Variants in TVP23A observed in about 807,000 individuals in gnomAD.
TVP23A encodes the protein Golgi apparatus membrane protein TVP23 homolog A.
In TVP23A, 21 loss-of-function variants were observed where a neutral mutation model predicts 31.7. The ratio of observed to expected loss-of-function variants is 0.66; its 90% CI spans 0.47 to 0.95. The LOEUF is 0.95. Among genes scored for constraint, TVP23A ranks in the 40% least tolerant of loss-of-function variants. The pLI, the probability that TVP23A is intolerant of heterozygous loss-of-function variation, is 0.00. For missense variants in TVP23A, 279 were observed against 255.6 expected, an observed-to-expected ratio of 1.09 and a Z score of -0.62; for synonymous variants, 104 against 96.0, an observed-to-expected ratio of 1.08 and a Z score of -0.49.
At chr16:10,792,968 T>C (rs753604245) in intron 2 of TVP23A, among the ~76,000 whole-genome samples, 3 of 152,196 alleles carry the variant, frequency 2.0e-5, no homozygotes, top group Non-Finnish European at 2.9e-5. Flanking sequence ...TTTTTTCCTC[T>C]TGTTTCTGTT....
intron 2 of TVP23A, among the ~76,000 whole-genome samples, chr16:10,798,960 G>C (rs1180725624): frequency 6.6e-6 from 1 of 152,148 alleles, no homozygotes; most frequent in African/African-American, 2.4e-5. Context: ...CCAAGCCCAG[G>C]TGACTCTGTT....
rs1567283981 is a variant in TVP23A, at chr16:10,777,879, TG to T, written c.90-2784del. ...TACAAAAATTAGCTGAGCGTGGTGG[TG>T]GGCGCCTGTAGTCCCAGCTACTCGG... is the stretch of plus-strand genomic sequence containing the variant. On this transcript the variant is annotated intron_variant, in intron 2 of 7. Transcript: ENST00000299866. This position sits in a 1 kb window ranked among gnomAD's most constrained non-coding sequence, Gnocchi z 4.5. Among the ~76,000 whole-genome samples the T allele has an allele frequency of 6.6e-6, 1 of 151,676 alleles. No individual in the cohort carries two copies. Among genetic ancestry groups the T allele is most frequent in the African/African-American group, 2.4e-5 (1 of 41,236 alleles).
At chr16:10,786,304 T>A (rs940086754) in intron 2 of TVP23A, among the ~76,000 whole-genome samples, 3 of 152,266 alleles carry the variant, frequency 2.0e-5, no homozygotes, top group South Asian at 4.2e-4. Flanking sequence ...CCAGGTGCAG[T>A]GGCTTAGGCC....
chr16:10,812,944 G>T (rs1467032794), intron 2 of TVP23A, among the ~76,000 whole-genome samples: 1 of 151,818 alleles, frequency 6.6e-6, no homozygotes, highest in Non-Finnish European at 1.5e-5. Context: ...TGCCCACCGG[G>T]GAAAAACACA....
At chr16:10,757,849 T>C (rs769953371), downstream of TVP23A, 1 of 1,602,710 alleles carries the variant, frequency 6.2e-7, no homozygotes, top group South Asian at 1.1e-5. This position sits in a 1 kb window ranked among gnomAD's most constrained non-coding sequence, Gnocchi z 4.1. Context: ...AAAGTAAGCA[T>C]CCCCTGTGGA....
At position 10,767,930 on chromosome 16, in the gene TVP23A, C is replaced by G. The variant is rs1555476740; in HGVS notation, c.*1172G>C. On this transcript the variant is annotated 3_prime_UTR_variant, in exon 8 of 8. Coordinates refer to ENST00000299866, the MANE Select transcript of TVP23A (RefSeq NM_001079512.4). The surrounding 1 kb of genome is among the most constrained non-coding windows in gnomAD (Gnocchi z 4.6). The stretch of plus-strand genomic sequence containing the variant: ...TTTCCTCTTGGACTGAATTGTCTTC[C>G]GTTTGTTTCTTTTTTAAGGTAAGAA... 1.2e-6 allele frequency: 2 copies of G among 1,611,774 alleles called. No homozygotes were observed.
At chr16:10,759,676 T>C (rs192983537), downstream of TVP23A, among the ~76,000 whole-genome samples, 1 of 152,224 alleles carries the variant, frequency 6.6e-6, no homozygotes, top group East Asian at 1.9e-4. The surrounding 1 kb of genome is among the most constrained non-coding windows in gnomAD (Gnocchi z 4.7). Context: ...CTTGGGAGGC[T>C]GAGGTGGGAG....
At chr16:10,761,723 A>G (rs752063069), downstream of TVP23A, 2 of 1,559,248 alleles carry the variant, frequency 1.3e-6, no homozygotes, top group Admixed American at 3.5e-5. Context: ...CTGCAAAAAA[A>G]TTATGTTTCC....
chr16:10,779,066 G>A lies in TVP23A; in HGVS notation c.90-3970C>T, dbSNP rs748677787. Among the ~76,000 whole-genome samples the A allele has an allele frequency of 5.3e-5, 8 of 152,086 alleles. No homozygotes were observed. The highest frequency in any genetic ancestry group is 4.1e-4 in the South Asian group (2 of 4,822). Reference sequence around the variant, plus strand: ...ATTCGAATAAATCCCTTGCCCACCCGCTTCTTTCTTTTTTCTTTTTGGCTG... The same window carrying A: ...ATTCGAATAAATCCCTTGCCCACCCACTTCTTTCTTTTTTCTTTTTGGCTG... On this transcript the variant is annotated intron_variant, in intron 2 of 7. Coordinates refer to ENST00000299866, the MANE Select transcript of TVP23A (RefSeq NM_001079512.4). The surrounding 1 kb of genome is among the most constrained non-coding windows in gnomAD (Gnocchi z 4.9).
intron 7 of TVP23A, 59 bp from the exon 8 acceptor site, chr16:10,769,160 C>A: frequency 6.5e-7 from 1 of 1,547,246 alleles, no homozygotes; most frequent in Non-Finnish European, 8.9e-7. Flanking sequence ...CACTGGGCAG[C>A]ACATCCAGCC....
chr16:10,812,985 C>T (rs887096038), intron 2 of TVP23A, among the ~76,000 whole-genome samples: 3 of 152,012 alleles, frequency 2.0e-5, no homozygotes, highest in African/African-American at 7.3e-5. Flanking sequence ...CTCTGTGTGC[C>T]CAGCTCTGCT....
intron 4 of TVP23A, 86 bp from the exon 5 acceptor site, chr16:10,773,527 C>T (rs887684409): frequency 3.4e-6 from 5 of 1,451,018 alleles, no homozygotes; most frequent in African/African-American, 1.4e-5. Context: ...TTTTATTTTG[C>T]AGATGCTTTT....
In TVP23A at chr16:10,774,940, A is replaced by G. The variant is rs1047270398; in HGVS notation, c.234+12T>C. The G allele has an allele frequency of 1.7e-5, 27 of 1,611,136 alleles. No individual in the cohort carries two copies. Among genetic ancestry groups the G allele is most frequent in the Non-Finnish European group, 2.2e-5 (26 of 1,178,290 alleles). On this transcript the variant is annotated intron_variant, in intron 3 of 7. Coordinates refer to ENST00000299866, the MANE Select transcript of TVP23A (RefSeq NM_001079512.4). ...GTTTCGGAAGTGATGACATCACACG[A>G]AAGGGCCTCACCTTCACAGACCAGA... is the stretch of plus-strand genomic sequence containing the variant.
chr16:10,816,728 C>G (rs1044078833), intron 2 of TVP23A, among the ~76,000 whole-genome samples: 2 of 151,492 alleles, frequency 1.3e-5, no homozygotes, highest in African/African-American at 2.4e-5. Context: ...GAAAGAGGCA[C>G]GGGGGAAGTG....
chr16:10,793,326 G>C (rs887535326), intron 2 of TVP23A, among the ~76,000 whole-genome samples: 3 of 152,094 alleles, frequency 2.0e-5, no homozygotes, highest in African/African-American at 7.2e-5. Flanking sequence ...TAGAGTCTGG[G>C]TATGCTCAGC....
In TVP23A at chr16:10,767,870, A is replaced by G. The variant is rs553999210; in HGVS notation, c.*1232T>C. 2.3e-6 allele frequency: 3 copies of G among 1,323,598 alleles called. No homozygotes were observed. The African/African-American group carries it at 4.3e-5, about 19-fold the overall frequency. 82.0% of individuals were successfully genotyped at this position (1,323,598 alleles called of 1,614,324 possible). ...TCAAGATCTTCCCATTGTCACCAGC[A>G]CGGAAAGAGCCCCAAGATCTTGTGG... On this transcript the variant is annotated 3_prime_UTR_variant, in exon 8 of 8. Transcript: ENST00000299866. This position sits in a 1 kb window ranked among gnomAD's most constrained non-coding sequence, Gnocchi z 4.6.
Position 10,774,073 on chromosome 16 carries a change from T to A in TVP23A, c.290A>T (p.Asp97Val). 6.2e-7 allele frequency: 1 copy of A among 1,612,050 alleles called. No individual in the cohort carries two copies. Among genetic ancestry groups the A allele is most frequent in the South Asian group, 1.1e-5 (1 of 90,266 alleles). Residue 97 changes from aspartate to valine, a missense_variant, in exon 4 of 8, where the codon GAT (aspartate) becomes GTT (valine). Physicochemically the swap from Asp to Val is radical, Grantham distance 152. Transcript: ENST00000299866. ...TTCAAAGATCCAGTGGCTCTTCCCATCTTCATCTATCTGGTTCCACCATCG... is the reference window on the plus strand; with the variant it reads ...TTCAAAGATCCAGTGGCTCTTCCCAACTTCATCTATCTGGTTCCACCATCG... ...GLRWWNQIDE[D>V]GKSHWIFEAR...
chr16:10,772,986 G>T (rs761780374), intron 5 of TVP23A, among the ~76,000 whole-genome samples: 1 of 152,094 alleles, frequency 6.6e-6, no homozygotes, highest in South Asian at 2.1e-4. Context: ...GGGCTCAAGC[G>T]TGCACACCAT....
chr16:10,796,410 G>A (rs898246836), intron 2 of TVP23A, among the ~76,000 whole-genome samples: 3 of 151,168 alleles, frequency 2.0e-5, no homozygotes, highest in African/African-American at 4.9e-5. Flanking sequence ...AGCCTATGTA[G>A]TAAAAGGGAT....
Sources: allele counts gnomAD v4.1 joint callset (sites outside exome capture counted in the v4.1 genomes callset), GRCh38; gene constraint gnomAD v4.1.1; non-coding constraint Gnocchi (gnomAD v3.1); transcripts MANE v1.5; gene names NCBI Gene and HGNC (gene_info 2026-07-23, HGNC 2026-07-21).